Variants in NOVA1 observed in about 807,000 individuals in gnomAD.
NOVA1 encodes NOVA alternative splicing regulator 1, also known as RNA-binding protein Nova-1.
In NOVA1, 7 loss-of-function variants were observed where a neutral mutation model predicts 38.0. The observed-to-expected ratio is 0.18, with a 90% CI of 0.10 to 0.35. The LOEUF is 0.35. Among genes scored for constraint, NOVA1 ranks in the 10% least tolerant of loss-of-function variants. The pLI, the probability that NOVA1 is intolerant of heterozygous loss-of-function variation, is 1.00. For synonymous variants in NOVA1, 270 were observed against 232.5 expected (o/e 1.16, Z -1.47); for missense variants, 460 against 616.0 (o/e 0.75, Z 2.68).
intron 4 of NOVA1, among the ~76,000 whole-genome samples, chr14:26,452,935 T>C (rs769262872): frequency 6.6e-6 from 1 of 152,142 alleles, no homozygotes; most frequent in Non-Finnish European, 1.5e-5. Context: ...TGCAGGAGTC[T>C]TAAGGGTGCT....
At chr14:26,463,001 A>G (rs558194993) in intron 4 of NOVA1, among the ~76,000 whole-genome samples, 83 of 152,320 alleles carry the variant, frequency 5.4e-4, no homozygotes, top group Non-Finnish European at 8.7e-4. Flanking sequence ...TTCTTTGACT[A>G]TTAAAGATAG....
At chr14:26,532,807 A>C (rs1412281192) in intron 2 of NOVA1, among the ~76,000 whole-genome samples, 1 of 152,152 alleles carries the variant, frequency 6.6e-6, no homozygotes, top group Admixed American at 6.5e-5. Flanking sequence ...CTTCAAACAA[A>C]TTTCAAATAG....
chr14:26,491,815 A>G (rs1204427363), intron 2 of NOVA1, among the ~76,000 whole-genome samples: 1 of 152,162 alleles, frequency 6.6e-6, no homozygotes, highest in Non-Finnish European at 1.5e-5. Context: ...TGACAGTACC[A>G]GACTCTTTTG....
intron 2 of NOVA1, among the ~76,000 whole-genome samples, chr14:26,567,829 T>A (rs1016933673): frequency 6.6e-6 from 1 of 152,218 alleles, no homozygotes; most frequent in East Asian, 1.9e-4. Flanking sequence ...AAACTAGTTA[T>A]GCTTTTAAAA....
At chr14:26,503,369 G>T (rs1234664176) in intron 2 of NOVA1, among the ~76,000 whole-genome samples, 1 of 151,834 alleles carries the variant, frequency 6.6e-6, no homozygotes, top group African/African-American at 2.4e-5. Flanking sequence ...GTGGAAGAAG[G>T]GAAAGGACTG....
At position 26,556,343 on chromosome 14, in the gene NOVA1, C is replaced by G. The variant is rs117679713; in HGVS notation, c.280+39067G>C. Among the ~76,000 whole-genome samples, 370 of 152,176 alleles carry G rather than the reference C, an allele frequency of 2.4e-3. 10 individuals are homozygous for G. In the East Asian group the frequency reaches 0.056, roughly 23 times the overall value. ...AATAAAGAAAGCCCAGAAACAAACC[C>G]ACATCAACATAGTCAACTGATTTTT... On this transcript the variant is annotated intron_variant, in intron 2 of 4. Coordinates refer to ENST00000539517, the MANE Select transcript of NOVA1 (RefSeq NM_002515.3).
chr14:26,585,065 T>G (rs1333667908), intron 2 of NOVA1, among the ~76,000 whole-genome samples: 2 of 151,398 alleles, frequency 1.3e-5, no homozygotes, highest in Admixed American at 1.3e-4. Context: ...TTTACAAAAA[T>G]GTGGAAGACT....
intron 2 of NOVA1, among the ~76,000 whole-genome samples, chr14:26,493,812 G>A (rs891810954): frequency 7.9e-5 from 12 of 152,058 alleles, no homozygotes; most frequent in African/African-American, 2.7e-4. Flanking sequence ...CTGTGAACAA[G>A]TTCTTGGGTA....
At chr14:26,528,414 A>T (rs1351583242) in intron 2 of NOVA1, among the ~76,000 whole-genome samples, 1 of 152,188 alleles carries the variant, frequency 6.6e-6, no homozygotes, top group Non-Finnish European at 1.5e-5. Context: ...GAAACTGCTA[A>T]GCCATGTAGG....
At chr14:26,581,938 T>C (rs1461707632) in intron 2 of NOVA1, among the ~76,000 whole-genome samples, 1 of 151,852 alleles carries the variant, frequency 6.6e-6, no homozygotes, top group Admixed American at 6.6e-5. Context: ...AACTTCTACC[T>C]ACACTGATGT....
intron 2 of NOVA1, among the ~76,000 whole-genome samples, 181 bp from the exon 3 acceptor site, chr14:26,480,324 T>C (rs943305833): frequency 6.6e-6 from 1 of 152,168 alleles, no homozygotes; most frequent in African/African-American, 2.4e-5. Context: ...TAAATTCCGT[T>C]CTAGTTGTTT....
intron 2 of NOVA1, among the ~76,000 whole-genome samples, chr14:26,576,539 T>C (rs1892854185): frequency 6.6e-6 from 1 of 151,940 alleles, no homozygotes; most frequent in Non-Finnish European, 1.5e-5. Flanking sequence ...AGATGAATTA[T>C]TGATTTAGCA....
rs201509724 is a variant in NOVA1 at position 26,448,642 on chromosome 14, T to A, written c.841A>T (p.Thr281Ser). 5.6e-5 allele frequency: 91 copies of A among 1,614,188 alleles called. No homozygotes were observed. Among genetic ancestry groups the A allele is most frequent in the Non-Finnish European group, 4.8e-5 (57 of 1,180,040 alleles). The change falls in exon 5 of 5, where the codon ACT (threonine) becomes TCT (serine). Residue 281 changes from threonine (T) to serine (S), a missense_variant. Thr to Ser is a moderately conservative substitution (Grantham distance 58). Coordinates refer to ENST00000539517, the MANE Select transcript of NOVA1 (RefSeq NM_002515.3). This position sits in a 1 kb window ranked among gnomAD's most constrained non-coding sequence, Gnocchi z 5.3. ...PYANTAEVLP[T>S]AAAAAGLLGH... is the part of the protein sequence containing the mutation. ...AATAGCCCTGCAGCTGCTGCAGCAG[T>A]TGGTAACACTTCAGCAGTGTTTGCA...
chr14:26,584,940 G>A (rs973358708), intron 2 of NOVA1, among the ~76,000 whole-genome samples: 1 of 151,362 alleles, frequency 6.6e-6, no homozygotes, highest in Non-Finnish European at 1.5e-5. Flanking sequence ...GCCCACTAAT[G>A]TTCATAATAC....
intron 2 of NOVA1, among the ~76,000 whole-genome samples, chr14:26,550,011 TGAATGCTAA>T: frequency 6.6e-6 from 1 of 152,320 alleles, no homozygotes; most frequent in South Asian, 2.1e-4. Context: ...ATTTAAAAAT[TGAATGCTAA>T]GAATGGTTGC....
At chr14:26,480,606 C>G (rs184538997) in intron 2 of NOVA1, among the ~76,000 whole-genome samples, 2 of 151,362 alleles carry the variant, frequency 1.3e-5, no homozygotes, top group Admixed American at 6.6e-5. Flanking sequence ...ACAAGTTGTT[C>G]CATCACTTAC....
Position 26,597,305 on chromosome 14 carries a change from C to T in NOVA1, c.132G>A (p.Thr44=), listed in dbSNP as rs926407213. 1.6e-6 allele frequency: 2 copies of T among 1,247,650 alleles called. No homozygotes were observed. The highest frequency in any genetic ancestry group is 1.6e-5 in the African/African-American group (1 of 63,896). The allele number at this position is 1,247,650 out of a possible 1,614,324, so 77.3% of individuals were successfully genotyped here. A position where few individuals can be genotyped will look rare whatever the true frequency, so the allele number is the denominator to read the frequency against. ...PEAGSTKRTN[T]GEDGQYFLKV... ...GGAGGTGGAAGCGATACCCACCGCC[C>T]GTATTGGTCCTCTTGGTGCTGCCGG... Residue 44 remains threonine, a synonymous_variant, in exon 1 of 5, where the codon ACG becomes ACA. Coordinates refer to ENST00000539517, the MANE Select transcript of NOVA1 (RefSeq NM_002515.3).
At chr14:26,592,699 A>T (rs1041234587) in intron 2 of NOVA1, 2 of 151,682 alleles carry the variant, frequency 1.3e-5, no homozygotes, top group Non-Finnish European at 1.5e-5. Context: ...AATTACTCAT[A>T]AAGGCAGGGT....
chr14:26,597,638 G>C lies in NOVA1; in HGVS notation c.-202C>G. ...TTCTCACTGGGGAGGGGGCAGGGCTGAGGAGCAGCTGCAGTGCAGTGTCAG... is the reference window on the plus strand; with the variant it reads ...TTCTCACTGGGGAGGGGGCAGGGCTCAGGAGCAGCTGCAGTGCAGTGTCAG... On this transcript the variant is annotated 5_prime_UTR_variant, in exon 1 of 5. Transcript: ENST00000539517. 2 of 1,214,170 alleles carry C rather than the reference G, an allele frequency of 1.6e-6. No individual in the cohort carries two copies. The highest frequency in any genetic ancestry group is 2.0e-6 in the Non-Finnish European group (2 of 979,334). 75.2% of individuals were successfully genotyped at this position (1,214,170 alleles called of 1,614,324 possible).
Sources: allele counts gnomAD v4.1 joint callset (sites outside exome capture counted in the v4.1 genomes callset), GRCh38; gene constraint gnomAD v4.1.1; non-coding constraint Gnocchi (gnomAD v3.1); transcripts MANE v1.5; gene names NCBI Gene and HGNC (gene_info 2026-07-23, HGNC 2026-07-21).